ADPGK: variants seen among roughly 807,000 people sequenced by gnomAD.
ADPGK encodes ADP dependent glucokinase, also known as ADP-dependent glucokinase.
In ADPGK, 26 loss-of-function variants were observed where a neutral mutation model predicts 42.4. That is an observed-to-expected ratio of 0.61 (90% confidence interval 0.45 to 0.85). The LOEUF (loss-of-function observed/expected upper bound fraction) is 0.85. ADPGK is among the 40% of genes least tolerant of loss of function. The pLI, the probability that ADPGK is intolerant of heterozygous loss-of-function variation, is 0.00. For missense variants in ADPGK, 571 were observed against 627.0 expected (o/e 0.91, Z 0.95); for synonymous variants, 267 against 252.6 (o/e 1.06, Z -0.54).
intron 4 of ADPGK, 38 bp from the exon 5 acceptor site, chr15:72,756,485 A>G (rs997764989): frequency 6.2e-7 from 1 of 1,610,486 alleles, no homozygotes; most frequent in African/African-American, 1.3e-5. Context: ...AAGAAAAGGA[A>G]GAGGCTTTAG....
chr15:72,755,114 T>C (rs576983196), intron 6 of ADPGK, among the ~76,000 whole-genome samples: 2 of 152,234 alleles, frequency 1.3e-5, no homozygotes, highest in African/African-American at 4.8e-5. Flanking sequence ...TCTCCAGAGC[T>C]TGTGTTCTGA....
At chr15:72,756,150 G>A in intron 5 of ADPGK, 101 bp downstream of exon 5, 1 of 1,440,604 alleles carries the variant, frequency 6.9e-7, no homozygotes, top group Non-Finnish European at 9.7e-7. Context: ...TATGTCCCTG[G>A]GAGGCCAGGA....
At chr15:72,781,179 T>G (rs1242091849) in intron 1 of ADPGK, among the ~76,000 whole-genome samples, 1 of 152,190 alleles carries the variant, frequency 6.6e-6, no homozygotes, top group Admixed American at 6.5e-5. Flanking sequence ...CTTTGGGTAA[T>G]AAATGATGAG....
Position 72,752,848 on chromosome 15 carries a change from C to G in ADPGK, c.987G>C (p.Leu329=). 1.2e-6 allele frequency: 2 copies of G among 1,614,178 alleles called. No individual in the cohort carries two copies. Among genetic ancestry groups the G allele is most frequent in the Non-Finnish European group, 1.7e-6 (2 of 1,180,032 alleles). The part of the protein sequence containing the change: ...VTSLGLNEQE[L]LFLTQSASGP... The stretch of plus-strand genomic sequence containing the variant: ...CAGAGGCTGACTGGGTGAGAAATAA[C>G]AGCTCCTGTTCATTCAGCCCAAGGG... The change falls in exon 7 of 7, where the codon CTG becomes CTC. Residue 329 remains leucine (L), a synonymous_variant. Transcript: ENST00000456471.
chr15:72,778,921 T>G (rs1267339294), intron 1 of ADPGK, among the ~76,000 whole-genome samples: 1 of 152,158 alleles, frequency 6.6e-6, no homozygotes, highest in East Asian at 1.9e-4. Context: ...TCAGATAGAT[T>G]AAACCTATTT....
chr15:72,755,163 G>C (rs2066095674), intron 6 of ADPGK, among the ~76,000 whole-genome samples: 1 of 152,196 alleles, frequency 6.6e-6, no homozygotes, highest in Non-Finnish European at 1.5e-5. Flanking sequence ...CAATGCTGCT[G>C]CCCAGAGGCA....
At chr15:72,757,201 C>CTTTTTTTTTTTTTTTTTTTTTT (rs34450649) in intron 4 of ADPGK, 4 of 123,402 alleles carry the variant, frequency 3.2e-5, no homozygotes, top group African/African-American at 3.0e-5. Flanking sequence ...TTCTTTTTTC[C>CTTTTTTTTTTTTTTTTTTTTTT]TTTTTTTTTT....
chr15:72,758,398 TTC>T, intron 4 of ADPGK: 1 of 534,528 alleles, frequency 1.9e-6, no homozygotes, highest in Non-Finnish European at 3.4e-6. Context: ...GACAATGGGC[TTC>T]TCTGGGGAGA....
intron 1 of ADPGK, 44 bp from the exon 2 acceptor site, chr15:72,775,141 AGT>A: frequency 6.5e-7 from 1 of 1,533,376 alleles, no homozygotes; most frequent in Non-Finnish European, 9.0e-7. Context: ...AGAAGCACCA[AGT>A]AGCCATTTTG....
At chr15:72,758,185 C>G (rs139459868) in intron 4 of ADPGK, 5 of 1,519,610 alleles carry the variant, frequency 3.3e-6, no homozygotes, top group Non-Finnish European at 4.6e-6. Context: ...CCAGCATATT[C>G]ATGGCCCCGT....
intron 1 of ADPGK, among the ~76,000 whole-genome samples, chr15:72,781,360 ACCCTCTACCATAG>A (rs911584306): frequency 1.3e-5 from 2 of 151,884 alleles, no homozygotes; most frequent in African/African-American, 4.8e-5. Flanking sequence ...TCTCTTTACA[ACCCTCTACCATAG>A]GATTCTCGCT....
At chr15:72,755,316 A>G (rs2066097224) in intron 6 of ADPGK, among the ~76,000 whole-genome samples, 1 of 152,200 alleles carries the variant, frequency 6.6e-6, no homozygotes, top group Non-Finnish European at 1.5e-5. Flanking sequence ...ATTCCAGAGG[A>G]GAAATATGAT....
intron 3 of ADPGK, among the ~76,000 whole-genome samples, chr15:72,764,361 C>G (rs564629594): frequency 2.8e-4 from 43 of 152,314 alleles, no homozygotes; most frequent in African/African-American, 9.9e-4. Context: ...TGGAGAAAGT[C>G]TGAATGGTCT....
chr15:72,783,359 C>T, intron 1 of ADPGK, 100 bp downstream of exon 1: 1 of 1,296,000 alleles, frequency 7.7e-7, no homozygotes, highest in South Asian at 2.4e-5. Flanking sequence ...GACAGCAGCG[C>T]CTCCCGGGGA....
chr15:72,763,208 G>A (rs2151078503), intron 3 of ADPGK, among the ~76,000 whole-genome samples: 1 of 152,128 alleles, frequency 6.6e-6, no homozygotes, highest in Non-Finnish European at 1.5e-5. Flanking sequence ...CTGGAGTGCA[G>A]TGGCGTGATC....
chr15:72,767,859 GA>G (rs1273345322), intron 3 of ADPGK, among the ~76,000 whole-genome samples: 2 of 152,216 alleles, frequency 1.3e-5, no homozygotes, highest in Middle Eastern at 3.4e-3. Context: ...GAGAAAACAG[GA>G]AAGGTCTCAA....
intron 3 of ADPGK, among the ~76,000 whole-genome samples, chr15:72,760,921 G>A (rs935003844): frequency 2.2e-4 from 33 of 152,248 alleles, no homozygotes; most frequent in Non-Finnish European, 3.8e-4. Flanking sequence ...TAATTAATAT[G>A]AAATGAGGTC....
intron 1 of ADPGK, among the ~76,000 whole-genome samples, chr15:72,776,345 T>C (rs1296860545): frequency 6.6e-6 from 1 of 152,206 alleles, no homozygotes; most frequent in Non-Finnish European, 1.5e-5. Context: ...GATGTCATTC[T>C]GGCCAGTGAG....
chr15:72,756,722 C>G, intron 4 of ADPGK: 1 of 470,038 alleles, frequency 2.1e-6, no homozygotes, highest in Non-Finnish European at 3.9e-6. Context: ...CAGGAGAGCC[C>G]TACTTGAGCT....
Sources: allele counts gnomAD v4.1 joint callset (sites outside exome capture counted in the v4.1 genomes callset), GRCh38; gene constraint gnomAD v4.1.1; transcripts MANE v1.5; gene names NCBI Gene and HGNC (gene_info 2026-07-23, HGNC 2026-07-21).